The following LPGAT1 variants were observed in gnomAD, a reference collection of about 807,000 sequenced individuals.
LPGAT1 encodes the protein acyl-CoA:lysophosphatidylglycerol acyltransferase 1.
In LPGAT1, 11 loss-of-function variants were observed where a neutral mutation model predicts 47.5. That is an observed-to-expected ratio of 0.23 (90% CI 0.15 to 0.38). The LOEUF is 0.38. Among genes scored for constraint, LPGAT1 ranks in the 10% least tolerant of loss-of-function variants. The probability of loss-of-function intolerance (pLI) is 1.00; values close to 1 mark genes in which losing one functional copy is unlikely to be tolerated. For synonymous variants in LPGAT1, 138 were observed against 144.2 expected, an observed-to-expected ratio of 0.96 and a Z score of 0.31; for missense variants, 293 against 439.0, an observed-to-expected ratio of 0.67 and a Z score of 2.97.
chr1:211,817,121 G>GC (rs1660201279), intron 2 of LPGAT1, among the ~76,000 whole-genome samples: 1 of 152,128 alleles, frequency 6.6e-6, no homozygotes, highest in South Asian at 2.1e-4. Flanking sequence ...TATAAATTTA[G>GC]CCCCCAGTTA....
At chr1:211,784,511 AAAAG>A (rs1421783611) in intron 4 of LPGAT1, among the ~76,000 whole-genome samples, 2 of 151,678 alleles carry the variant, frequency 1.3e-5, no homozygotes, top group African/African-American at 4.8e-5. Context: ...AAAAAAAGAA[AAAAG>A]AAAGAAAATC....
intron 6 of LPGAT1, among the ~76,000 whole-genome samples, chr1:211,772,280 C>T (rs139800305): frequency 6.6e-6 from 1 of 152,302 alleles, no homozygotes; most frequent in East Asian, 1.9e-4. Context: ...CTAATCTCTC[C>T]ATTGATGTGG....
chr1:211,752,634 A>G (rs1375797246), intron 6 of LPGAT1, among the ~76,000 whole-genome samples: 1 of 152,130 alleles, frequency 6.6e-6, no homozygotes. Context: ...GGAATGCTAA[A>G]TATACCTTTC....
chr1:211,813,655 A>C (rs1324228839), intron 2 of LPGAT1, among the ~76,000 whole-genome samples: 1 of 152,218 alleles, frequency 6.6e-6, no homozygotes, highest in Non-Finnish European at 1.5e-5. Flanking sequence ...ACAAGAATGG[A>C]ATTATTTCTC....
intron 6 of LPGAT1, among the ~76,000 whole-genome samples, chr1:211,760,051 A>G (rs762055299): frequency 3.3e-5 from 5 of 152,260 alleles, no homozygotes; most frequent in African/African-American, 1.2e-4. Flanking sequence ...AGAATTACCA[A>G]GTCAGAAGGT....
In LPGAT1 at chr1:211,752,862, A is replaced by C. The variant is rs372991121; in HGVS notation, c.855-1795T>G. Among the ~76,000 whole-genome samples the C allele has an allele frequency of 1.4e-4, 21 of 150,862 alleles. No individual in the cohort carries two copies. The East Asian group carries it at 3.9e-3, about 28-fold the overall frequency. On this transcript the variant is annotated intron_variant, in intron 6 of 7. Coordinates refer to ENST00000366997, the MANE Select transcript of LPGAT1 (RefSeq NM_014873.3). ...GTGCCTAATAACCTTTACATTTGAC[A>C]TATTTCTTGAATCTTGTTATTTAAA...
chr1:211,829,758 C>T, intron 1 of LPGAT1: 2 of 997,750 alleles, frequency 2.0e-6, no homozygotes, highest in Non-Finnish European at 2.4e-6. Context: ...GGACCTCAGT[C>T]TCCTCACCAC....
At chr1:211,764,084 A>G (rs567322251) in intron 6 of LPGAT1, among the ~76,000 whole-genome samples, 4 of 152,100 alleles carry the variant, frequency 2.6e-5, no homozygotes, top group Non-Finnish European at 5.9e-5. Context: ...AGGCAGGAGA[A>G]TCACTTGAAC....
At chr1:211,793,252 T>C in intron 2 of LPGAT1, 62 bp from the exon 3 acceptor site, 2 of 1,052,834 alleles carry the variant, frequency 1.9e-6, no homozygotes, top group Non-Finnish European at 2.9e-6. Context: ...TCACAAACCT[T>C]ATATTAGAAA....
chr1:211,774,788 G>C (rs192351849), intron 6 of LPGAT1, among the ~76,000 whole-genome samples: 13 of 152,210 alleles, frequency 8.5e-5, no homozygotes, highest in South Asian at 2.1e-4. Context: ...ATAAGCCTGA[G>C]TAGTAAATTA....
At position 211,745,555 on chromosome 1, in the gene LPGAT1, T is replaced by TA. The variant is rs532148101; in HGVS notation, c.*4343dup. 6.6e-6 allele frequency: 1 copy of TA among 152,204 alleles called. No homozygotes were observed. Among genetic ancestry groups the TA allele is most frequent in the Non-Finnish European group, 1.5e-5 (1 of 68,022 alleles). 9.4% of individuals were successfully genotyped at this position (152,204 alleles called of 1,614,324 possible). The stretch of plus-strand genomic sequence containing the variant: ...AAAACGTTTGCTCTTTAAACTGTCT[T>TA]AAAAAAATATTAAATGTAAAAACCC... On this transcript the variant is annotated 3_prime_UTR_variant, in exon 8 of 8. Transcript: ENST00000366997.
chr1:211,800,193 A>ATTTTTTTTTT (rs376366429), intron 2 of LPGAT1, among the ~76,000 whole-genome samples: 4 of 141,870 alleles, frequency 2.8e-5, no homozygotes, highest in Non-Finnish European at 4.6e-5. Context: ...TGTCCAGCTA[A>ATTTTTTTTTT]TTTTTTTTTT....
At chr1:211,751,750 T>C (rs1437599014) in intron 6 of LPGAT1, among the ~76,000 whole-genome samples, 2 of 152,202 alleles carry the variant, frequency 1.3e-5, no homozygotes, top group African/African-American at 4.8e-5. Flanking sequence ...TCTAATTTAG[T>C]GGGGGATTTT....
intron 6 of LPGAT1, 116 bp from the exon 7 acceptor site, chr1:211,751,183 ACAAGGGT>A: frequency 1.4e-6 from 1 of 689,710 alleles, no homozygotes; most frequent in South Asian, 2.1e-5. Flanking sequence ...TTTTGCTTTA[ACAAGGGT>A]TGGTTTCTTC....
At chr1:211,823,766 T>C (rs1170466191) in intron 2 of LPGAT1, among the ~76,000 whole-genome samples, 1 of 151,966 alleles carries the variant, frequency 6.6e-6, no homozygotes, top group African/African-American at 2.4e-5. Flanking sequence ...CAAGATCTCA[T>C]CCCTACAAAA....
Position 211,779,009 on chromosome 1 carries a change from T to C in LPGAT1, c.763A>G (p.Thr255Ala), listed in dbSNP as rs1213074009. The change falls in exon 6 of 8, where the codon ACA (threonine) becomes GCA (alanine). Residue 255 changes from threonine to alanine, a missense_variant. Coordinates refer to ENST00000366997, the MANE Select transcript of LPGAT1 (RefSeq NM_014873.3). ...TCAGCTTTGGGATAAGCTATCGTTGTATCTATTATCCACTGGAGGCCTTTT... is the reference window on the plus strand; with the variant it reads ...TCAGCTTTGGGATAAGCTATCGTTGCATCTATTATCCACTGGAGGCCTTTT... ...KSKGLQWIIDTTIAYPKAEPI... is the reference protein window; with the variant it reads ...KSKGLQWIIDATIAYPKAEPI... 3.7e-6 allele frequency: 6 copies of C among 1,606,180 alleles called. No homozygotes were observed. In the South Asian group the frequency reaches 4.5e-5, roughly 12 times the overall value.
chr1:211,823,097 T>C (rs879335471), intron 2 of LPGAT1, among the ~76,000 whole-genome samples: 8 of 152,134 alleles, frequency 5.3e-5, no homozygotes, highest in Admixed American at 1.3e-4. Context: ...AGAAACACTC[T>C]AGGAACATTA....
At position 211,802,538 on chromosome 1, in the gene LPGAT1, G is replaced by T. The variant is rs372179980; in HGVS notation, c.239-9348C>A. Among the ~76,000 whole-genome samples the T allele has an allele frequency of 3.9e-5, 6 of 152,068 alleles. No homozygotes were observed. In the South Asian group the frequency reaches 6.2e-4, roughly 16 times the overall value. ...GAATAAGAAAAAAAAGGACCTGCTGGAAATTAACATAATTGTAAAAATAAA... is the reference window on the plus strand; with the variant it reads ...GAATAAGAAAAAAAAGGACCTGCTGTAAATTAACATAATTGTAAAAATAAA... On this transcript the variant is annotated intron_variant, in intron 2 of 7. Coordinates refer to ENST00000366997, the MANE Select transcript of LPGAT1 (RefSeq NM_014873.3).
chr1:211,829,524 G>A (rs1660652429), intron 1 of LPGAT1: 1 of 1,415,212 alleles, frequency 7.1e-7, no homozygotes, highest in Non-Finnish European at 9.2e-7. Context: ...GGTCAAGGGA[G>A]CTGTTCACCG....
Sources: gnomAD v4.1 joint callset for allele counts (sites outside exome capture counted in the v4.1 genomes callset) on GRCh38, gnomAD v4.1.1 for gene constraint, MANE v1.5 for transcripts, NCBI Gene and HGNC (gene_info 2026-07-23, HGNC 2026-07-21) for gene names.